SESTD1: variants seen among roughly 807,000 people sequenced by gnomAD.
SESTD1 encodes the protein SEC14 domain and spectrin repeat-containing protein 1.
SESTD1 carries 43 observed loss-of-function variants against 101.7 expected under a neutral mutation model. That is an observed-to-expected ratio of 0.42 (90% CI 0.33 to 0.55). SESTD1 has a LOEUF of 0.55. Ranked by LOEUF, SESTD1 falls within the 20% of genes least tolerant of loss-of-function variation. The probability of loss-of-function intolerance (pLI) is 0.07; values close to 1 mark genes in which losing one functional copy is unlikely to be tolerated. For synonymous variants in SESTD1, 283 were observed against 286.8 expected, an observed-to-expected ratio of 0.99 and a Z score of 0.13; for missense variants, 647 against 815.1, an observed-to-expected ratio of 0.79 and a Z score of 2.51.
In SESTD1 at chr2:179,202,551, T is replaced by C. The variant is rs1180751198; in HGVS notation, c.-25-10685A>G. Among the ~76,000 whole-genome samples, 2 of 135,068 alleles carry C rather than the reference T, an allele frequency of 1.5e-5. 1 individual carries two copies. The highest frequency in any genetic ancestry group is 5.9e-5 in the African/African-American group (2 of 34,138). The allele number at this position is 135,068 out of a possible 152,430, so 88.6% of individuals were successfully genotyped here. A position where few individuals can be genotyped will look rare whatever the true frequency, so the allele number is the denominator to read the frequency against. On this transcript the variant is annotated intron_variant, in intron 1 of 17. Transcript: ENST00000428443. ...GTCATGTACTCCCCTGCTGAACACA[T>C]ACTTTCTGTGTCTAATTAAATTCAA... is the stretch of plus-strand genomic sequence containing the variant.
chr2:179,109,551 T>G lies in SESTD1; in HGVS notation c.*348A>C. On this transcript the variant is annotated 3_prime_UTR_variant, in exon 18 of 18. Transcript: ENST00000428443. ...CACCTGTGGAGGAAGGGCAACTTTTTTTTTTCTTTTTAATAGAGAGAATTC... is the reference window on the plus strand; with the variant it reads ...CACCTGTGGAGGAAGGGCAACTTTTGTTTTTCTTTTTAATAGAGAGAATTC... The G allele has an allele frequency of 2.5e-6, 1 of 395,998 alleles. No homozygotes were observed. Among genetic ancestry groups the G allele is most frequent in the Non-Finnish European group, 4.5e-6 (1 of 224,422 alleles). The allele number at this position is 395,998 out of a possible 1,614,324, so 24.5% of individuals were successfully genotyped here. A position where few individuals can be genotyped will look rare whatever the true frequency, so the allele number is the denominator to read the frequency against.
chr2:179,186,642 T>G (rs185453009), intron 2 of SESTD1, among the ~76,000 whole-genome samples: 149 of 151,920 alleles, frequency 9.8e-4, no homozygotes, highest in Non-Finnish European at 1.8e-3. Flanking sequence ...TTTAATGAAA[T>G]TACAGAACAG....
intron 1 of SESTD1, among the ~76,000 whole-genome samples, chr2:179,232,810 A>G (rs2047006049): frequency 6.6e-6 from 1 of 152,218 alleles, no homozygotes; most frequent in African/African-American, 2.4e-5. Flanking sequence ...AAGAAGATAT[A>G]CATTTATCTG....
intron 4 of SESTD1, chr2:179,174,538 TAAC>T: frequency 2.4e-6 from 1 of 423,704 alleles, no homozygotes; most frequent in South Asian, 1.8e-5. Context: ...ATAGTTATTT[TAAC>T]AACTTTCACA....
chr2:179,114,754 C>T (rs1047156567), intron 16 of SESTD1, among the ~76,000 whole-genome samples: 1 of 152,010 alleles, frequency 6.6e-6, no homozygotes, highest in Non-Finnish European at 1.5e-5. Context: ...AGAGATTGAA[C>T]TCATGATACT....
rs1158396507 is a variant in SESTD1, at chr2:179,137,120, A to AACTT, written c.850-4698_850-4695dup. Among the ~76,000 whole-genome samples the AACTT allele has an allele frequency of 3.3e-5, 5 of 152,310 alleles. No homozygotes were observed. In the South Asian group the frequency reaches 6.2e-4, roughly 19 times the overall value. ...ATCTTGCTCAATCAATCTGAATATT[A>AACTT]ACTTACTGGAAAAACAGTTCTATCC... On this transcript the variant is annotated intron_variant, in intron 9 of 17. Transcript: ENST00000428443.
At chr2:179,134,627 C>T (rs994310614) in intron 9 of SESTD1, among the ~76,000 whole-genome samples, 6 of 151,792 alleles carry the variant, frequency 4.0e-5, no homozygotes, top group South Asian at 2.1e-4. Flanking sequence ...GTTTTATTTT[C>T]CCAGAAAAGG....
At chr2:179,139,465 A>T (rs2045228457) in intron 9 of SESTD1, among the ~76,000 whole-genome samples, 1 of 152,234 alleles carries the variant, frequency 6.6e-6, no homozygotes, top group African/African-American at 2.4e-5. Flanking sequence ...AGCATGTTGA[A>T]CATTAATTGT....
chr2:179,179,762 A>G (rs1559130809), intron 3 of SESTD1, among the ~76,000 whole-genome samples: 1 of 152,148 alleles, frequency 6.6e-6, no homozygotes, highest in African/African-American at 2.4e-5. Context: ...CTCATTCAGA[A>G]TGGAAGCCAT....
chr2:179,256,648 T>C (rs1003514606), intron 1 of SESTD1, among the ~76,000 whole-genome samples: 1 of 151,648 alleles, frequency 6.6e-6, no homozygotes, highest in Admixed American at 6.6e-5. Flanking sequence ...CCATCTCTAC[T>C]CAAAATACAA....
At chr2:179,138,870 C>CAAAAAAAA (rs61703699) in intron 9 of SESTD1, among the ~76,000 whole-genome samples, 32 of 65,548 alleles carry the variant, frequency 4.9e-4, no homozygotes, top group African/African-American at 1.4e-3. Flanking sequence ...AACCCTGTCT[C>CAAAAAAAA]AAAAAAAAAA....
In SESTD1 at chr2:179,189,970, G is replaced by C. The variant is rs1296722871; in HGVS notation, c.55+1817C>G. ...TCGTCATATTTAAAATGTTAAAATG[G>C]CCATACAGCCCAAAGCAATCTACAA... On this transcript the variant is annotated intron_variant, in intron 2 of 17. Transcript: ENST00000428443. Among the ~76,000 whole-genome samples the C allele has an allele frequency of 8.6e-5, 13 of 151,826 alleles. No individual in the cohort carries two copies. In the East Asian group the frequency reaches 2.3e-3, roughly 27 times the overall value.
At chr2:179,239,488 T>C (rs1005706757) in intron 1 of SESTD1, among the ~76,000 whole-genome samples, 5 of 152,148 alleles carry the variant, frequency 3.3e-5, no homozygotes, top group Non-Finnish European at 7.4e-5. Flanking sequence ...TAAAAGTGAC[T>C]GAAACCACTG....
chr2:179,239,212 C>CT (rs2047113144), intron 1 of SESTD1, among the ~76,000 whole-genome samples: 1 of 152,158 alleles, frequency 6.6e-6, no homozygotes, highest in South Asian at 2.1e-4. Context: ...CTGCAACCAC[C>CT]TTTTAAAAAA....
At chr2:179,190,626 A>G (rs1448792055) in intron 2 of SESTD1, among the ~76,000 whole-genome samples, 1 of 152,230 alleles carries the variant, frequency 6.6e-6, no homozygotes, top group Non-Finnish European at 1.5e-5. Context: ...AAATATTCAC[A>G]AACTATGCCT....
rs551941955 is a variant in SESTD1, at chr2:179,127,930, A to G, written c.973-3372T>C. On this transcript the variant is annotated intron_variant, in intron 10 of 17. Coordinates refer to ENST00000428443, the MANE Select transcript of SESTD1 (RefSeq NM_178123.5). ...TCAATACCTTATTCATAGTACTTAC[A>G]TATCATTAAATGCTCTAAATAAATA... 9.2e-5 allele frequency among the ~76,000 whole-genome samples: 14 copies of G among 152,384 alleles called. No homozygotes were observed. In the South Asian group the frequency reaches 1.9e-3, roughly 20 times the overall value.
intron 1 of SESTD1, among the ~76,000 whole-genome samples, chr2:179,225,632 T>G (rs1176122559): frequency 1.3e-5 from 2 of 152,156 alleles, no homozygotes; most frequent in African/African-American, 4.8e-5. Flanking sequence ...CCAGGTTCAG[T>G]GCCTGGTGAA....
In SESTD1 at chr2:179,202,838, A is replaced by G. The variant is rs923716032; in HGVS notation, c.-25-10972T>C. On this transcript the variant is annotated intron_variant, in intron 1 of 17. Transcript: ENST00000428443. ...CATCTTGACATGCTTCCCCTCTCTG[A>G]TGAGTGCCTTCCTCCAGAAAGATCC... is the stretch of plus-strand genomic sequence containing the variant. 2.2e-5 allele frequency among the ~76,000 whole-genome samples: 3 copies of G among 134,896 alleles called. No homozygotes were observed. The East Asian group carries it at 6.0e-4, about 27-fold the overall frequency. The allele number at this position is 134,896 out of a possible 152,430, so 88.5% of individuals were successfully genotyped here. A position where few individuals can be genotyped will look rare whatever the true frequency, so the allele number is the denominator to read the frequency against.
At chr2:179,236,845 A>AT (rs1051542010) in intron 1 of SESTD1, among the ~76,000 whole-genome samples, 4 of 151,820 alleles carry the variant, frequency 2.6e-5, no homozygotes, top group African/African-American at 9.7e-5. Context: ...TGGGACCAAA[A>AT]TAAATGTATG....
Sources: gnomAD v4.1 joint callset for allele counts (sites outside exome capture counted in the v4.1 genomes callset) on GRCh38, gnomAD v4.1.1 for gene constraint, MANE v1.5 for transcripts, NCBI Gene and HGNC (gene_info 2026-07-23, HGNC 2026-07-21) for gene names.